The following DAGLB variants were observed in gnomAD, a reference collection of about 807,000 sequenced individuals.
DAGLB encodes the protein diacylglycerol lipase-beta.
Under a neutral mutation model 72.1 loss-of-function variants are expected in DAGLB, and 66 were observed. The observed-to-expected ratio is 0.92, with a 90% CI of 0.75 to 1.12. The LOEUF is 1.12. Among genes scored for constraint, DAGLB ranks in the 50% most tolerant of loss-of-function variants. The pLI, the probability that DAGLB is intolerant of heterozygous loss-of-function variation, is 0.00. For missense variants in DAGLB, 1,065 were observed against 884.9 expected (o/e 1.20, Z -2.58); for synonymous variants, 414 against 359.5 (o/e 1.15, Z -1.71).
chr7:6,434,197 T>C (rs1784579842), intron 4 of DAGLB, among the ~76,000 whole-genome samples: 1 of 151,422 alleles, frequency 6.6e-6, no homozygotes, highest in African/African-American at 2.4e-5. Context: ...TAACAGCATT[T>C]AGCAGAGAAT....
At chr7:6,424,166 T>C (rs1379237623) in intron 8 of DAGLB, among the ~76,000 whole-genome samples, 1 of 152,052 alleles carries the variant, frequency 6.6e-6, no homozygotes, top group East Asian at 1.9e-4. Context: ...GAAACCGGAA[T>C]GGAGAGAAGA....
At chr7:6,424,892 CAA>C in intron 7 of DAGLB, 57 bp from the exon 8 acceptor site, 5 of 1,570,218 alleles carry the variant, frequency 3.2e-6, no homozygotes, top group Non-Finnish European at 8.8e-7. Flanking sequence ...CACCAGCACG[CAA>C]AGTCGGAGCC....
Position 6,410,183 on chromosome 7 carries a change from A to G in DAGLB, c.1767T>C (p.Pro589=), listed in dbSNP as rs755525042. The change falls in exon 14 of 15, where the codon CCT becomes CCC. Residue 589 remains proline (P), a synonymous_variant. Coordinates refer to ENST00000297056, the MANE Select transcript of DAGLB (RefSeq NM_139179.4). Reference sequence around the variant, plus strand: ...GGATGATCCTGCCGGGAGGGTAGAGAGGGGGGTACTTGGGAGAAGAGTCCA... The same window carrying G: ...GGATGATCCTGCCGGGAGGGTAGAGGGGGGGGTACTTGGGAGAAGAGTCCA... The part of the protein sequence containing the change: ...SPLDSSPKYP[P]LYPPGRIIHL... 4 of 1,594,740 alleles carry G rather than the reference A, an allele frequency of 2.5e-6. No homozygotes were observed. The South Asian group carries it at 4.5e-5, about 18-fold the overall frequency.
chr7:6,425,729 A>C (rs1040961153), intron 7 of DAGLB, among the ~76,000 whole-genome samples: 4 of 152,156 alleles, frequency 2.6e-5, no homozygotes, highest in African/African-American at 9.7e-5. Context: ...TCCTCAACAG[A>C]AGGGCGAGGT....
intron 4 of DAGLB, among the ~76,000 whole-genome samples, chr7:6,434,209 T>C (rs1784580182): frequency 6.7e-6 from 1 of 150,174 alleles, no homozygotes; most frequent in Non-Finnish European, 1.5e-5. Context: ...GCAGAGAATG[T>C]CATATAAAAA....
intron 8 of DAGLB, chr7:6,422,447 C>T (rs73676743): frequency 0.012 from 1,901 of 164,784 alleles, 41 homozygotes; most frequent in African/African-American, 0.044. Flanking sequence ...CTGGAGGCCC[C>T]GGCAGCAGCG....
At chr7:6,416,019 C>T (rs1583282051) in intron 11 of DAGLB, among the ~76,000 whole-genome samples, 1 of 151,968 alleles carries the variant, frequency 6.6e-6, no homozygotes, top group Non-Finnish European at 1.5e-5. Context: ...AACCGGACCC[C>T]TCTGCCAGGG....
chr7:6,430,592 C>T lies in DAGLB; in HGVS notation c.817G>A (p.Ala273Thr). 6.3e-7 allele frequency: 1 copy of T among 1,599,682 alleles called. No homozygotes were observed. Among genetic ancestry groups the T allele is most frequent in the Non-Finnish European group, 8.5e-7 (1 of 1,170,906 alleles). The change falls in exon 6 of 15, where the codon GCA becomes ACA. Residue 273 changes from alanine (A) to threonine (T), a missense_variant. Ala to Thr is a moderately conservative substitution (Grantham distance 58, BLOSUM62 0). Transcript: ENST00000297056. Reference protein sequence around the residue: ...PGSSQEADLDAELENCHHYMQ... With the variant: ...PGSSQEADLDTELENCHHYMQ... ...TAATGATGGCAGTTTTCTAATTCTG[C>T]ATCCAGATCAGCTTCCTACAAGAGA... is the stretch of plus-strand genomic sequence containing the variant.
intron 9 of DAGLB, among the ~76,000 whole-genome samples, chr7:6,420,946 G>A (rs1784093707): frequency 6.6e-6 from 1 of 152,208 alleles, no homozygotes; most frequent in African/African-American, 2.4e-5. Flanking sequence ...AGACCCTGGT[G>A]CGCACTCTCT....
At chr7:6,440,801 G>C (rs539865870) in intron 2 of DAGLB, among the ~76,000 whole-genome samples, 1 of 151,978 alleles carries the variant, frequency 6.6e-6, no homozygotes, top group Non-Finnish European at 1.5e-5. Context: ...CCTGGGAGGC[G>C]GAGGTTGCAG....
chr7:6,446,477 C>CA (rs748156438), intron 1 of DAGLB, among the ~76,000 whole-genome samples: 749 of 58,624 alleles, frequency 0.013, 105 homozygotes, highest in East Asian at 0.033. Context: ...GACTCCGTCT[C>CA]AAAAAAAAAA....
At chr7:6,444,950 A>G (rs1784948052) in intron 2 of DAGLB, among the ~76,000 whole-genome samples, 1 of 152,092 alleles carries the variant, frequency 6.6e-6, no homozygotes, top group African/African-American at 2.4e-5. Flanking sequence ...ATGAGCTACC[A>G]CTTCACATTC....
At chr7:6,433,081 A>T in intron 4 of DAGLB, 122 bp from the exon 5 acceptor site, 1 of 1,407,588 alleles carries the variant, frequency 7.1e-7, no homozygotes, top group Non-Finnish European at 9.3e-7. Context: ...CTAGACACAG[A>T]GGTATGTTAA....
chr7:6,411,161 C>G (rs1274822803), intron 13 of DAGLB, among the ~76,000 whole-genome samples: 1 of 151,920 alleles, frequency 6.6e-6, no homozygotes, highest in South Asian at 2.1e-4. Flanking sequence ...CGTGAGCCAC[C>G]GCGCCCGGCC....
Position 6,410,245 on chromosome 7 carries a change from A to G in DAGLB, c.1705T>C (p.Trp569Arg). The G allele has an allele frequency of 6.2e-7, 1 of 1,613,060 alleles. No individual in the cohort carries two copies. Among genetic ancestry groups the G allele is most frequent in the East Asian group, 2.2e-5 (1 of 44,862 alleles). The change falls in exon 14 of 15, where the codon TGG (tryptophan) becomes CGG (arginine). Residue 569 changes from tryptophan to arginine, a missense_variant. By Grantham distance (101) the Trp-to-Arg change is moderately radical. Transcript: ENST00000297056. ...CTGGAGAAGCTGTAGGCCGGGGACCAGCGCGTCAGTAGGCTCTGCTCCCCC... is the reference window on the plus strand; with the variant it reads ...CTGGAGAAGCTGTAGGCCGGGGACCGGCGCGTCAGTAGGCTCTGCTCCCCC... ...LLGEQSLLTR[W>R]SPAYSFSSDS...
In DAGLB at chr7:6,434,757, C is replaced by G. The variant is rs752268592; in HGVS notation, c.678+5G>C. On this transcript the variant is annotated splice_donor_5th_base_variant and intron_variant, in intron 4 of 14. Coordinates refer to ENST00000297056, the MANE Select transcript of DAGLB (RefSeq NM_139179.4). ...AACAGACCAAACCAGATCCCCTCGGCTTACTGAAAAGTAGGTTGAGAAAAG... is the reference window on the plus strand; with the variant it reads ...AACAGACCAAACCAGATCCCCTCGGGTTACTGAAAAGTAGGTTGAGAAAAG... The G allele has an allele frequency of 6.2e-7, 1 of 1,613,924 alleles. No homozygotes were observed. The highest frequency in any genetic ancestry group is 1.3e-5 in the African/African-American group (1 of 74,920).
In DAGLB at chr7:6,436,529, C is replaced by T. The variant is rs1283103668; in HGVS notation, c.252G>A (p.Thr84=). 2.5e-6 allele frequency: 4 copies of T among 1,613,812 alleles called. No individual in the cohort carries two copies. Among genetic ancestry groups the T allele is most frequent in the East Asian group, 2.2e-5 (1 of 44,878 alleles). ...SAIMCVSMRG[T]ICNPGPRKSM... ...ACTTCCGCGGTCCAGGGTTACAAAT[C>T]GTTCCTGAAATACAAAAAACGTTCC... The change falls in exon 3 of 15, where the codon ACG becomes ACA. Residue 84 remains threonine (T), a synonymous_variant. Transcript: ENST00000297056.
In DAGLB at chr7:6,438,898, A is replaced by C. The variant is rs536209645; in HGVS notation, c.248-2365T>G. ...ATGATGATGATGATGGTACTGAGAA[A>C]ATCTCCTTTACACGGTTTTGCCTGC... On this transcript the variant is annotated intron_variant, in intron 2 of 14. Transcript: ENST00000297056. 1.3e-4 allele frequency among the ~76,000 whole-genome samples: 19 copies of C among 151,924 alleles called. No homozygotes were observed. In the South Asian group the frequency reaches 3.7e-3, roughly 30 times the overall value.
chr7:6,418,670 GT>G (rs56699721), intron 9 of DAGLB, among the ~76,000 whole-genome samples: 57,214 of 144,280 alleles, frequency 0.4, 14,715 homozygotes, highest in African/African-American at 0.72. Context: ...TTCTTTTTTT[GT>G]TTTTTTTTTT....
Sources: allele counts gnomAD v4.1 joint callset (sites outside exome capture counted in the v4.1 genomes callset), GRCh38; gene constraint gnomAD v4.1.1; transcripts MANE v1.5; gene names NCBI Gene and HGNC (gene_info 2026-07-23, HGNC 2026-07-21).